Variants in LRRC4C observed in about 807,000 individuals in gnomAD.
The protein encoded by LRRC4C is leucine-rich repeat-containing protein 4C.
LRRC4C carries 5 observed loss-of-function variants against 33.6 expected under a neutral mutation model. The ratio of observed to expected loss-of-function variants is 0.15; its 90% CI spans 0.08 to 0.31. The LOEUF is 0.31. Among genes scored for constraint, LRRC4C ranks in the 10% least tolerant of loss-of-function variants. LRRC4C has a pLI of 1.00. For missense variants in LRRC4C, 560 were observed against 796.7 expected (o/e 0.70, Z 3.58); for synonymous variants, 329 against 302.0 (o/e 1.09, Z -0.93).
chr11:41,200,597 G>A (rs1426711432), intron 1 of LRRC4C, among the ~76,000 whole-genome samples: 1 of 151,996 alleles, frequency 6.6e-6, no homozygotes, highest in African/African-American at 2.4e-5. Flanking sequence ...CTTTACCGAT[G>A]ATGGAGTAAG....
Position 40,883,756 on chromosome 11 carries a change from G to A in LRRC4C, c.-407+49879C>T, listed in dbSNP as rs186556602. Among the ~76,000 whole-genome samples, 16 of 151,950 alleles carry A rather than the reference G, an allele frequency of 1.1e-4. No homozygotes were observed. In the East Asian group the frequency reaches 2.3e-3, roughly 22 times the overall value. ...CTAATAAGAAATTATGCCAAAACAT[G>A]TTATAAACATGGAATTATTAACTGC... On this transcript the variant is annotated intron_variant, in intron 2 of 6. Transcript: ENST00000528697.
chr11:40,532,060 A>G (rs1010425238), intron 3 of LRRC4C, among the ~76,000 whole-genome samples: 2 of 149,134 alleles, frequency 1.3e-5, no homozygotes, highest in East Asian at 3.9e-4. Context: ...TTCTGCAACA[A>G]TCTCATAAAC....
chr11:40,648,376 A>T (rs555294929), intron 2 of LRRC4C, 98 bp from the exon 3 acceptor site: 9 of 152,330 alleles, frequency 5.9e-5, no homozygotes, highest in East Asian at 5.8e-4. Flanking sequence ...AAAAAAAATT[A>T]AAAAACACAC....
At chr11:40,619,029 A>G (rs533516112) in intron 3 of LRRC4C, among the ~76,000 whole-genome samples, 2 of 151,900 alleles carry the variant, frequency 1.3e-5, no homozygotes, top group South Asian at 4.1e-4. Context: ...CTTTAGAGAA[A>G]TAAACCAGGC....
chr11:40,492,990 A>C (rs11035870), intron 3 of LRRC4C, among the ~76,000 whole-genome samples: 19,304 of 151,856 alleles, frequency 0.13, 1,395 homozygotes, highest in African/African-American at 0.17. Flanking sequence ...GAGAAGGTCT[A>C]CTTGAAAGTG....
chr11:40,116,113 C>G lies in LRRC4C; in HGVS notation c.180G>C (p.Val60=), dbSNP rs1473914681. The G allele has an allele frequency of 6.2e-7, 1 of 1,614,090 alleles. No homozygotes were observed. The highest frequency in any genetic ancestry group is 1.1e-5 in the South Asian group (1 of 91,078). ...CACGCAGGTTTTTCCGAACACAAAT[C>G]ACCTTGCTGAACTGGTTGCTGCAGG... ...VCSCSNQFSK[V]ICVRKNLREV... is the part of the protein sequence containing the mutation. The change falls in exon 7 of 7, where the codon GTG becomes GTC. Residue 60 remains valine, a synonymous_variant. Coordinates refer to ENST00000528697, the MANE Select transcript of LRRC4C (RefSeq NM_001258419.2).
At chr11:40,910,944 C>T (rs2136267202) in intron 2 of LRRC4C, among the ~76,000 whole-genome samples, 1 of 152,346 alleles carries the variant, frequency 6.6e-6, no homozygotes, top group East Asian at 1.9e-4. Flanking sequence ...GAGCCTCACT[C>T]ATTGCTAGCA....
chr11:40,733,215 A>G (rs1446216438), intron 2 of LRRC4C, among the ~76,000 whole-genome samples: 1 of 151,472 alleles, frequency 6.6e-6, no homozygotes, highest in African/African-American at 2.4e-5. Context: ...AGCTGGGACA[A>G]CAGGCGCCTG....
intron 1 of LRRC4C, among the ~76,000 whole-genome samples, chr11:41,241,396 G>A (rs368914934): frequency 2.6e-5 from 4 of 152,084 alleles, no homozygotes; most frequent in African/African-American, 9.7e-5. Context: ...CTGAGTGTGG[G>A]AAATGTTGGT....
At chr11:40,836,906 A>G (rs983222045) in intron 2 of LRRC4C, among the ~76,000 whole-genome samples, 1 of 152,142 alleles carries the variant, frequency 6.6e-6, no homozygotes, top group Non-Finnish European at 1.5e-5. Flanking sequence ...CTCCGTATCT[A>G]TAGTTCCATC....
intron 1 of LRRC4C, among the ~76,000 whole-genome samples, chr11:41,384,911 A>T (rs1953298775): frequency 6.7e-6 from 1 of 149,914 alleles, no homozygotes; most frequent in Non-Finnish European, 1.5e-5. Flanking sequence ...AAAATGATTT[A>T]GTATACTATA....
At chr11:41,377,561 AT>A (rs953222904) in intron 1 of LRRC4C, among the ~76,000 whole-genome samples, 2 of 152,008 alleles carry the variant, frequency 1.3e-5, no homozygotes, top group African/African-American at 4.8e-5. Context: ...TTTCAATCAC[AT>A]TTTTTTTCCC....
intron 3 of LRRC4C, among the ~76,000 whole-genome samples, chr11:40,592,396 C>T (rs1269590627): frequency 6.6e-6 from 1 of 152,116 alleles, no homozygotes; most frequent in African/African-American, 2.4e-5. Flanking sequence ...ATAAATAGGT[C>T]TGGGATGGGG....
At chr11:41,185,932 T>C (rs930764046) in intron 1 of LRRC4C, among the ~76,000 whole-genome samples, 1 of 152,086 alleles carries the variant, frequency 6.6e-6, no homozygotes, top group Admixed American at 6.5e-5. Context: ...ATAAAAATTA[T>C]TCATTTATGT....
intron 5 of LRRC4C, among the ~76,000 whole-genome samples, chr11:40,198,984 C>T (rs72889343): frequency 0.095 from 14,525 of 152,160 alleles, 727 homozygotes; most frequent in Middle Eastern, 0.12. Context: ...ACAAAGATTC[C>T]GAGGCAGGAG....
intron 3 of LRRC4C, among the ~76,000 whole-genome samples, chr11:40,525,573 A>G (rs969386037): frequency 4.6e-5 from 7 of 152,176 alleles, no homozygotes; most frequent in African/African-American, 1.4e-4. Flanking sequence ...AAAAATCTCT[A>G]TTCTCCAAAC....
chr11:40,534,229 A>G (rs1319880755), intron 3 of LRRC4C, among the ~76,000 whole-genome samples: 2 of 150,482 alleles, frequency 1.3e-5, no homozygotes. Flanking sequence ...TCCAATTATT[A>G]TTATTATTGC....
intron 3 of LRRC4C, among the ~76,000 whole-genome samples, chr11:40,563,409 A>G (rs1957631852): frequency 6.6e-6 from 1 of 152,158 alleles, no homozygotes; most frequent in African/African-American, 2.4e-5. Flanking sequence ...AACACTGGAA[A>G]GGTCTGAGAG....
chr11:41,120,587 T>C (rs1942373275), intron 1 of LRRC4C, among the ~76,000 whole-genome samples: 1 of 152,164 alleles, frequency 6.6e-6, no homozygotes, highest in Non-Finnish European at 1.5e-5. Context: ...GCTATATTAC[T>C]TCATGAAGGC....
Sources: allele counts gnomAD v4.1 joint callset (sites outside exome capture counted in the v4.1 genomes callset), GRCh38; gene constraint gnomAD v4.1.1; transcripts MANE v1.5; gene names NCBI Gene and HGNC (gene_info 2026-07-23, HGNC 2026-07-21).